NLRP3: variants seen among roughly 807,000 people sequenced by gnomAD.
NLRP3 encodes NLR family pyrin domain containing 3.
In NLRP3, 48 loss-of-function variants were observed where a neutral mutation model predicts 91.3. The observed-to-expected ratio is 0.53, with a 90% CI of 0.42 to 0.67. The LOEUF (loss-of-function observed/expected upper bound fraction) is 0.67. NLRP3 is among the 30% of genes least tolerant of loss of function. The pLI is 0.00. For missense variants in NLRP3, 982 were observed against 1,276.9 expected (o/e 0.77, Z 3.52); for synonymous variants, 561 against 507.9 (o/e 1.10, Z -1.41).
At position 247,425,791 on chromosome 1, in the gene NLRP3, A is replaced by C; in HGVS notation, c.2150+192A>C. 1.6e-6 allele frequency: 1 copy of C among 612,386 alleles called. No individual in the cohort carries two copies. The highest frequency in any genetic ancestry group is 1.8e-5 in the African/African-American group (1 of 54,092). 37.9% of individuals were successfully genotyped at this position (612,386 alleles called of 1,614,324 possible). A position where few individuals can be genotyped will look rare whatever the true frequency, so the allele number is the denominator to read the frequency against. ...GTATGGTAGGTGGATAAATGGGATG[A>C]GGAAAAAAAAAATAAAACAAGGAAC... On this transcript the variant is annotated intron_variant, in intron 4 of 9. Transcript: ENST00000336119. The surrounding 1 kb of genome is among the most constrained non-coding windows in gnomAD (Gnocchi z 4.1).
In NLRP3 at chr1:247,424,131, A is replaced by G; in HGVS notation, c.682A>G (p.Ile228Val). Residue 228 changes from isoleucine (I) to valine (V), a missense_variant, in exon 4 of 10, where the codon ATT (isoleucine) becomes GTT (valine). By Grantham distance (29) the Ile-to-Val change is conservative. Coordinates refer to ENST00000336119, the MANE Select transcript of NLRP3 (RefSeq NM_001243133.2). The surrounding 1 kb of genome is among the most constrained non-coding windows in gnomAD (Gnocchi z 8.1). Reference sequence around the variant, plus strand: ...CGTGGTGTTCCAGGGGGCGGCAGGGATTGGGAAAACAATCCTGGCCAGGAA... The same window carrying G: ...CGTGGTGTTCCAGGGGGCGGCAGGGGTTGGGAAAACAATCCTGGCCAGGAA... ...HTVVFQGAAG[I>V]GKTILARKMM... 6.2e-7 allele frequency: 1 copy of G among 1,613,990 alleles called. No homozygotes were observed. Among genetic ancestry groups the G allele is most frequent in the Non-Finnish European group, 8.5e-7 (1 of 1,179,998 alleles).
chr1:247,420,660 T>G (rs1208594545), intron 2 of NLRP3, among the ~76,000 whole-genome samples: 1 of 152,184 alleles, frequency 6.6e-6, no homozygotes, highest in East Asian at 1.9e-4. Context: ...GAGGTTGCAG[T>G]GAGCTGAGAT....
chr1:247,448,158 G>C (rs11577510), intron 9 of NLRP3, among the ~76,000 whole-genome samples: 25,632 of 151,636 alleles, frequency 0.17, 2,419 homozygotes, highest in African/African-American at 0.25. Flanking sequence ...ACGAGCACCG[G>C]CTCCTTGGCC....
At position 247,448,589 on chromosome 1, in the gene NLRP3, A is replaced by C; in HGVS notation, c.*85A>C. Reference sequence around the variant, plus strand: ...AGGTGGAGAGAGCTGCGATCCATCCAGGCCAAGACCACAGCTCTGTGATCC... The same window carrying C: ...AGGTGGAGAGAGCTGCGATCCATCCCGGCCAAGACCACAGCTCTGTGATCC... On this transcript the variant is annotated 3_prime_UTR_variant, in exon 10 of 10. Transcript: ENST00000336119. 1 of 829,256 alleles carries C rather than the reference A, an allele frequency of 1.2e-6. No individual in the cohort carries two copies. Among genetic ancestry groups the C allele is most frequent in the East Asian group, 2.5e-5 (1 of 40,750 alleles). 51.4% of individuals were successfully genotyped at this position (829,256 alleles called of 1,614,324 possible). A position where few individuals can be genotyped will look rare whatever the true frequency, so the allele number is the denominator to read the frequency against.
intron 5 of NLRP3, among the ~76,000 whole-genome samples, chr1:247,432,094 A>G (rs936833520): frequency 6.6e-6 from 1 of 152,192 alleles, no homozygotes; most frequent in African/African-American, 2.4e-5. Flanking sequence ...CGTATTGGCT[A>G]GGCTGGTCTC....
chr1:247,438,449 T>C (rs1343170008), intron 7 of NLRP3, among the ~76,000 whole-genome samples: 1 of 138,174 alleles, frequency 7.2e-6, no homozygotes, highest in East Asian at 2.5e-4. Context: ...AGTGGCGCAA[T>C]CTTGGCTCAC....
At chr1:247,439,662 T>C (rs1292226939) in intron 7 of NLRP3, among the ~76,000 whole-genome samples, 2 of 152,168 alleles carry the variant, frequency 1.3e-5, no homozygotes, top group Non-Finnish European at 2.9e-5. Flanking sequence ...ACATATAAAG[T>C]CTTAGAGGAA....
intron 6 of NLRP3, 47 bp from the exon 7 acceptor site, chr1:247,435,923 G>T (rs756103098): frequency 1.9e-6 from 3 of 1,597,064 alleles, no homozygotes; most frequent in South Asian, 1.1e-5. Context: ...GTCCATGGTG[G>T]AGCGTGGGTG....
intron 1 of NLRP3, among the ~76,000 whole-genome samples, chr1:247,417,080 G>A (rs865956593): frequency 4.6e-5 from 7 of 152,340 alleles, no homozygotes; most frequent in Middle Eastern, 3.4e-3. Flanking sequence ...TCACAGTCTA[G>A]TTGGGAAGAC....
At chr1:247,421,513 A>C (rs1298297607) in intron 2 of NLRP3, among the ~76,000 whole-genome samples, 1 of 152,228 alleles carries the variant, frequency 6.6e-6, no homozygotes, top group East Asian at 1.9e-4. Flanking sequence ...ACCCAAATGA[A>C]AGTGTCATAA....
Position 247,436,067 on chromosome 1 carries a change from G to A in NLRP3, c.2590G>A (p.Ala864Thr), listed in dbSNP as rs2103174301. The A allele has an allele frequency of 1.2e-6, 2 of 1,614,190 alleles. No homozygotes were observed. The highest frequency in any genetic ancestry group is 1.7e-6 in the Non-Finnish European group (2 of 1,180,026). Residue 864 changes from alanine (A) to threonine (T), a missense_variant, in exon 7 of 10, where the codon GCC (alanine) becomes ACC (threonine). Physicochemically the swap from Ala to Thr is moderately conservative, Grantham distance 58. Coordinates refer to ENST00000336119, the MANE Select transcript of NLRP3 (RefSeq NM_001243133.2). ...SLTRLYVGEN[A>T]LGDSGVAILC... ...GACCAGACTCTATGTGGGGGAGAAT[G>A]CCTTGGGAGACTCAGGAGTCGCAAT... is the stretch of plus-strand genomic sequence containing the variant.
chr1:247,423,401 G>A (rs762559540), intron 3 of NLRP3, 52 bp downstream of exon 3: 1 of 1,611,482 alleles, frequency 6.2e-7, no homozygotes, highest in South Asian at 1.1e-5. Flanking sequence ...TGGTTCAGGA[G>A]GCTCTGGGAA....
chr1:247,434,539 AAG>A (rs761968301), intron 6 of NLRP3, among the ~76,000 whole-genome samples: 12 of 152,224 alleles, frequency 7.9e-5, no homozygotes, highest in Non-Finnish European at 1.6e-4. Context: ...AGCTGACAAA[AAG>A]AAAAAATCAG....
At chr1:247,439,254 GTAA>G (rs1166861289) in intron 7 of NLRP3, among the ~76,000 whole-genome samples, 2 of 152,198 alleles carry the variant, frequency 1.3e-5, no homozygotes, top group African/African-American at 4.8e-5. Flanking sequence ...TAGAGCTACT[GTAA>G]TAAAGTATCA....
At chr1:247,436,209 G>C in intron 7 of NLRP3, 69 bp downstream of exon 7, 1 of 1,509,382 alleles carries the variant, frequency 6.6e-7, no homozygotes, top group Admixed American at 1.8e-5. Context: ...GGAAAATGTG[G>C]ATGGGGGTTA....
chr1:247,433,396 A>G (rs140532312), intron 5 of NLRP3, among the ~76,000 whole-genome samples: 2 of 152,292 alleles, frequency 1.3e-5, no homozygotes, highest in Non-Finnish European at 2.9e-5. Flanking sequence ...ACACGAGGGA[A>G]GGAGGTGGGT....
intron 4 of NLRP3, among the ~76,000 whole-genome samples, chr1:247,428,137 AG>A (rs1366855238): frequency 6.7e-6 from 1 of 149,386 alleles, no homozygotes; most frequent in Non-Finnish European, 1.5e-5. Flanking sequence ...GAACCCTGGT[AG>A]GGGGCTCAGC....
chr1:247,432,135 G>C (rs1409102812), intron 5 of NLRP3, among the ~76,000 whole-genome samples: 1 of 152,098 alleles, frequency 6.6e-6, no homozygotes, highest in Non-Finnish European at 1.5e-5. Context: ...CACCCGCCTC[G>C]GCCTCCCAAA....
intron 4 of NLRP3, among the ~76,000 whole-genome samples, chr1:247,428,533 A>G (rs1418501187): frequency 6.6e-6 from 1 of 152,178 alleles, no homozygotes; most frequent in Non-Finnish European, 1.5e-5. Context: ...GGAGGCCAAG[A>G]TGGGGGGATT....
Sources: gnomAD v4.1 joint callset for allele counts (sites outside exome capture counted in the v4.1 genomes callset) on GRCh38, gnomAD v4.1.1 for gene constraint, Gnocchi (gnomAD v3.1) non-coding constraint, MANE v1.5 for transcripts, NCBI Gene and HGNC (gene_info 2026-07-23, HGNC 2026-07-21) for gene names.